The following TMEM266 variants were observed in gnomAD, a reference collection of about 807,000 sequenced individuals.
TMEM266 encodes the protein Hv1 related protein 1.
In TMEM266, 33 loss-of-function variants were observed where a neutral mutation model predicts 50.5. That is an observed-to-expected ratio of 0.65 (90% CI 0.50 to 0.87). The LOEUF is 0.87. Among genes scored for constraint, TMEM266 ranks in the 40% least tolerant of loss-of-function variants. The pLI is 0.00. For synonymous variants in TMEM266, 310 were observed against 292.3 expected (o/e 1.06, Z -0.62); for missense variants, 655 against 695.1 (o/e 0.94, Z 0.65).
intron 1 of TMEM266, among the ~76,000 whole-genome samples, chr15:76,110,980 A>C (rs1474641651): frequency 1.3e-5 from 2 of 152,246 alleles, no homozygotes; most frequent in Non-Finnish European, 1.5e-5. Flanking sequence ...AGCACCGACA[A>C]CACCAGATGC....
At chr15:76,092,497 C>T (rs1205156648) in intron 1 of TMEM266, among the ~76,000 whole-genome samples, 2 of 151,926 alleles carry the variant, frequency 1.3e-5, no homozygotes, top group Non-Finnish European at 2.9e-5. Context: ...TGAGACCAGC[C>T]TGGCCAACAT....
intron 1 of TMEM266, among the ~76,000 whole-genome samples, chr15:76,124,793 T>C (rs974157304): frequency 2.0e-5 from 3 of 151,666 alleles, no homozygotes; most frequent in African/African-American, 7.3e-5. Context: ...AGTGAGACTC[T>C]CTCTAAACAA....
intron 9 of TMEM266, among the ~76,000 whole-genome samples, chr15:76,201,122 C>T (rs1447350661): frequency 2.6e-5 from 4 of 152,100 alleles, no homozygotes; most frequent in Non-Finnish European, 5.9e-5. Flanking sequence ...AGCCCTCAGC[C>T]CTCCCATGCT....
intron 1 of TMEM266, among the ~76,000 whole-genome samples, chr15:76,066,964 C>T (rs758920545): frequency 3.2e-4 from 49 of 152,188 alleles, no homozygotes; most frequent in Non-Finnish European, 5.7e-4. Flanking sequence ...TAGATGCCAC[C>T]GGTACTACCG....
intron 1 of TMEM266, among the ~76,000 whole-genome samples, chr15:76,085,983 G>A (rs916293128): frequency 6.6e-6 from 1 of 151,912 alleles, no homozygotes; most frequent in Non-Finnish European, 1.5e-5. Flanking sequence ...GGGAGGTGGA[G>A]GTTGCATTGA....
chr15:76,079,479 G>T lies in TMEM266; in HGVS notation c.-97+19463G>T, dbSNP rs141975389. ...GACCTCAACTAGTTACCTCTGCAAA[G>T]ATACTATTTCTAAACAAGATCACAT... On this transcript the variant is annotated intron_variant, in intron 1 of 10. Transcript: ENST00000388942. Among the ~76,000 whole-genome samples, 159 of 145,504 alleles carry T rather than the reference G, an allele frequency of 1.1e-3. 1 individual carries two copies. The highest frequency in any genetic ancestry group is 3.9e-3 in the African/African-American group (152 of 39,066).
rs77433578 is a variant in TMEM266, at chr15:76,061,210, C to G, written c.-97+1194C>G. Among the ~76,000 whole-genome samples, 275 of 152,248 alleles carry G rather than the reference C, an allele frequency of 1.8e-3. 1 individual carries two copies. The highest frequency in any genetic ancestry group is 2.3e-3 in the Non-Finnish European group (157 of 68,038). On this transcript the variant is annotated intron_variant, in intron 1 of 10. Transcript: ENST00000388942. ...AGATGTTGGGATATGATAGCTGAACCGTAATTGCTTCTAAAATGGTCAGAG... is the reference window on the plus strand; with the variant it reads ...AGATGTTGGGATATGATAGCTGAACGGTAATTGCTTCTAAAATGGTCAGAG...
rs1010202517 is a variant in TMEM266, at chr15:76,137,860, C to T, written c.192C>T (p.Leu64=). 1.3e-6 allele frequency: 2 copies of T among 1,598,780 alleles called. No homozygotes were observed. The highest frequency in any genetic ancestry group is 1.7e-6 in the Non-Finnish European group (2 of 1,172,830). ...ATCTCTCCACGGCGGGCTCGCAGCT[C>T]CTGTCAAATCTGGACGAAGATTACC... The change falls in exon 3 of 11, where the codon CTC becomes CTT. Residue 64 remains leucine, a synonymous_variant. Transcript: ENST00000388942.
chr15:76,077,165 A>G (rs1248928030), intron 1 of TMEM266, among the ~76,000 whole-genome samples: 1 of 151,928 alleles, frequency 6.6e-6, no homozygotes, highest in African/African-American at 2.4e-5. Context: ...GGGTTTCGCC[A>G]TGTTGCCCAG....
intron 1 of TMEM266, among the ~76,000 whole-genome samples, chr15:76,101,183 A>G (rs767069156): frequency 2.0e-5 from 3 of 152,190 alleles, no homozygotes; most frequent in Non-Finnish European, 4.4e-5. Flanking sequence ...AGTCAGCAAC[A>G]GAGCTGGAAC....
chr15:76,122,296 G>T (rs772813703), intron 1 of TMEM266, among the ~76,000 whole-genome samples: 1 of 152,254 alleles, frequency 6.6e-6, no homozygotes, highest in African/African-American at 2.4e-5. Context: ...AAGTGGATTT[G>T]CTTGGTCAAC....
chr15:76,086,908 T>C (rs1596095245), intron 1 of TMEM266, among the ~76,000 whole-genome samples: 1 of 129,362 alleles, frequency 7.7e-6, no homozygotes, highest in Non-Finnish European at 1.6e-5. Context: ...TCATCTGCCA[T>C]GCAGAAAAAG....
At chr15:76,167,994 G>T (rs1449278059) in intron 5 of TMEM266, among the ~76,000 whole-genome samples, 1 of 152,176 alleles carries the variant, frequency 6.6e-6, no homozygotes, top group Non-Finnish European at 1.5e-5. Flanking sequence ...TATAGTAGAT[G>T]GCAGATATTA....
At chr15:76,132,811 G>C (rs868376690) in intron 1 of TMEM266, among the ~76,000 whole-genome samples, 1 of 100,492 alleles carries the variant, frequency 1.0e-5, no homozygotes. Flanking sequence ...AATAATAATA[G>C]TAATTATTAT....
At position 76,202,248 on chromosome 15, in the gene TMEM266, C is replaced by T. The variant is rs764554127; in HGVS notation, c.1005C>T (p.Tyr335=). Residue 335 remains tyrosine, a synonymous_variant, in exon 10 of 11, where the codon TAC becomes TAT. Coordinates refer to ENST00000388942, the MANE Select transcript of TMEM266 (RefSeq NM_152335.3). ...TGAACAGCTACATCAGTCAGTATTA[C>T]AATGGGCCCAGCAGTGGTAAGTCTG... The T allele has an allele frequency of 5.6e-6, 9 of 1,613,744 alleles. No individual in the cohort carries two copies. Among genetic ancestry groups the T allele is most frequent in the Non-Finnish European group, 7.6e-6 (9 of 1,179,832 alleles).
intron 1 of TMEM266, among the ~76,000 whole-genome samples, chr15:76,062,429 T>C (rs2036322333): frequency 1.3e-5 from 2 of 152,234 alleles, no homozygotes; most frequent in Non-Finnish European, 2.9e-5. Flanking sequence ...TCTTGCCTCG[T>C]GGGAAACACT....
In TMEM266 at chr15:76,160,001, G is replaced by GGGTCCCAGA; in HGVS notation, c.383-89_383-81dup. The stretch of plus-strand genomic sequence containing the variant: ...TAAACGTTCATGCAGGCGGGCCCCG[G>GGGTCCCAGA]GGTCCCAGAGGTCTGGACGGATGCT... On this transcript the variant is annotated intron_variant, in intron 4 of 10. Coordinates refer to ENST00000388942, the MANE Select transcript of TMEM266 (RefSeq NM_152335.3). This position sits in a 1 kb window ranked among gnomAD's most constrained non-coding sequence, Gnocchi z 5.7. 1 of 1,230,630 alleles carries GGGTCCCAGA rather than the reference G, an allele frequency of 8.1e-7. No individual in the cohort carries two copies. Among genetic ancestry groups the GGGTCCCAGA allele is most frequent in the Non-Finnish European group, 1.2e-6 (1 of 849,812 alleles). The allele number at this position is 1,230,630 out of a possible 1,614,324, so 76.2% of individuals were successfully genotyped here. A position where few individuals can be genotyped will look rare whatever the true frequency, so the allele number is the denominator to read the frequency against.
chr15:76,141,805 C>T (rs1026588506), intron 3 of TMEM266, among the ~76,000 whole-genome samples: 2 of 152,192 alleles, frequency 1.3e-5, no homozygotes, highest in Non-Finnish European at 2.9e-5. Context: ...AATTCGACTA[C>T]TCTAAGTGCC....
rs919620371 is a variant in TMEM266 at position 76,148,177 on chromosome 15, C to A, written c.228-8427C>A. 2.6e-5 allele frequency among the ~76,000 whole-genome samples: 4 copies of A among 152,238 alleles called. No homozygotes were observed. The East Asian group carries it at 5.8e-4, about 22-fold the overall frequency. On this transcript the variant is annotated intron_variant, in intron 3 of 10. Transcript: ENST00000388942. ...GAGAGAGGGGAGGAAAGTTTAAATG[C>A]GTGGCCACGTCCGGCAAGGAAAGTT...
Sources: allele counts gnomAD v4.1 joint callset (sites outside exome capture counted in the v4.1 genomes callset), GRCh38; gene constraint gnomAD v4.1.1; non-coding constraint Gnocchi (gnomAD v3.1); transcripts MANE v1.5; gene names NCBI Gene and HGNC (gene_info 2026-07-23, HGNC 2026-07-21).